PPM1B: variants seen among roughly 807,000 people sequenced by gnomAD.
PPM1B encodes protein phosphatase 1B.
PPM1B carries 22 observed loss-of-function variants against 43.0 expected under a neutral mutation model. That is an observed-to-expected ratio of 0.51 (90% confidence interval 0.37 to 0.73). PPM1B has a LOEUF of 0.73. PPM1B is among the 30% of genes least tolerant of loss of function. PPM1B has a pLI of 0.00. For missense variants in PPM1B, 632 were observed against 584.2 expected (o/e 1.08, Z -0.84); for synonymous variants, 217 against 197.9 (o/e 1.10, Z -0.81).
At chr2:44,192,165 T>TTATG (rs1668433099) in intron 1 of PPM1B, among the ~76,000 whole-genome samples, 2 of 135,690 alleles carry the variant, frequency 1.5e-5, no homozygotes, top group Non-Finnish European at 3.2e-5. Flanking sequence ...TTATTTTTAT[T>TTATG]TTATGTTATG....
rs1668392704 is a variant in PPM1B, at chr2:44,191,301, C to T, written c.-14-9885C>T. ...TGATCTCGGCTCACTGCAACCTCTG[C>T]ATCCCAGGTTCAAGCTATTCTCCTG... On this transcript the variant is annotated intron_variant, in intron 1 of 5. Transcript: ENST00000282412. Among the ~76,000 whole-genome samples the T allele has an allele frequency of 2.6e-5, 4 of 152,068 alleles. No homozygotes were observed. In the South Asian group the frequency reaches 8.3e-4, roughly 32 times the overall value.
downstream of PPM1B, chr2:44,231,508 A>G (rs1572761733): frequency 2.2e-6 from 2 of 921,944 alleles, no homozygotes; most frequent in Non-Finnish European, 2.6e-6. Context: ...AATTTTTTAA[A>G]AACAACCAAG....
chr2:44,213,869 G>T (rs1669598074), intron 3 of PPM1B: 1 of 152,080 alleles, frequency 6.6e-6, no homozygotes, highest in Admixed American at 6.5e-5. Context: ...GTAGTATATT[G>T]GGGTTGCAGA....
At chr2:44,232,645 C>CCTGA (rs1175190181), downstream of PPM1B, 7 of 1,196,620 alleles carry the variant, frequency 5.8e-6, no homozygotes, top group African/African-American at 1.1e-4. Context: ...CAACAATGTG[C>CCTGA]CTGAGGTGCA....
At chr2:44,227,983 G>T (rs1408875193) in intron 5 of PPM1B, among the ~76,000 whole-genome samples, 2 of 137,916 alleles carry the variant, frequency 1.5e-5, no homozygotes, top group Non-Finnish European at 1.5e-5. Context: ...GTGCAGTGGT[G>T]CGATCTCGGG....
chr2:44,194,714 C>T (rs1342686546), intron 1 of PPM1B, among the ~76,000 whole-genome samples: 2 of 151,140 alleles, frequency 1.3e-5, no homozygotes, highest in Non-Finnish European at 3.0e-5. Flanking sequence ...CAGAGGAAGA[C>T]TCCATCTCAA....
At chr2:44,194,499 G>A (rs1323281160) in intron 1 of PPM1B, among the ~76,000 whole-genome samples, 2 of 151,870 alleles carry the variant, frequency 1.3e-5, no homozygotes, top group Non-Finnish European at 2.9e-5. Context: ...CGAGGCGGGC[G>A]GATCACGATG....
chr2:44,197,092 C>G (rs746975161), intron 1 of PPM1B, among the ~76,000 whole-genome samples: 13 of 152,162 alleles, frequency 8.5e-5, no homozygotes, highest in African/African-American at 2.9e-4. Flanking sequence ...TCTTCCCCAT[C>G]TACCCCCTAC....
chr2:44,204,655 G>A lies in PPM1B; in HGVS notation c.846+2610G>A, dbSNP rs181757241. The stretch of plus-strand genomic sequence containing the variant: ...GTTAAGATGACGAGGTCAGGAGATC[G>A]AGACCATCCTGGCTAACGCAGTGAA... On this transcript the variant is annotated intron_variant, in intron 2 of 5. Transcript: ENST00000282412. Among the ~76,000 whole-genome samples, 13 of 151,916 alleles carry A rather than the reference G, an allele frequency of 8.6e-5. No individual in the cohort carries two copies. The East Asian group carries it at 1.4e-3, about 16-fold the overall frequency.
intron 5 of PPM1B, among the ~76,000 whole-genome samples, chr2:44,222,340 A>G (rs1007822081): frequency 1.3e-5 from 2 of 152,160 alleles, no homozygotes; most frequent in Non-Finnish European, 2.9e-5. Flanking sequence ...CTTAAGTCAT[A>G]TATTTAAAAA....
At chr2:44,192,077 C>T (rs535133355) in intron 1 of PPM1B, among the ~76,000 whole-genome samples, 1 of 145,576 alleles carries the variant, frequency 6.9e-6, no homozygotes. Context: ...GGGGAGGGGT[C>T]TGGGGGATTT....
chr2:44,207,563 G>A (rs2104164308), intron 2 of PPM1B, among the ~76,000 whole-genome samples: 1 of 151,966 alleles, frequency 6.6e-6, no homozygotes, highest in South Asian at 2.1e-4. Context: ...TGGTACTAGA[G>A]TAGTATATAT....
At chr2:44,217,140 C>T (rs537007908) in intron 3 of PPM1B, among the ~76,000 whole-genome samples, 2 of 152,182 alleles carry the variant, frequency 1.3e-5, no homozygotes, top group South Asian at 2.1e-4. Flanking sequence ...TGGCTCATGC[C>T]TGTAATCCCA....
chr2:44,235,449 C>T (rs1323459470), downstream of PPM1B, among the ~76,000 whole-genome samples: 2 of 151,784 alleles, frequency 1.3e-5, no homozygotes, highest in Non-Finnish European at 2.9e-5. Context: ...ACTAAAAATA[C>T]AAAATTAGCC....
At chr2:44,206,792 C>A (rs182248707) in intron 2 of PPM1B, among the ~76,000 whole-genome samples, 4 of 152,068 alleles carry the variant, frequency 2.6e-5, no homozygotes, top group Admixed American at 6.6e-5. Context: ...AAACTCCTGG[C>A]CTTAAATGAT....
At chr2:44,175,121 G>C (rs184929633) in intron 1 of PPM1B, among the ~76,000 whole-genome samples, 25 of 152,274 alleles carry the variant, frequency 1.6e-4, no homozygotes, top group African/African-American at 5.5e-4. Flanking sequence ...GGGTGTGGCG[G>C]CATGTGCCTG....
chr2:44,246,729 C>A (rs1243433212), downstream of PPM1B, among the ~76,000 whole-genome samples: 1 of 152,158 alleles, frequency 6.6e-6, no homozygotes, highest in Non-Finnish European at 1.5e-5. Flanking sequence ...TAGGTCCTTG[C>A]AAATTTTTGG....
intron 5 of PPM1B, chr2:44,244,127 C>T: frequency 8.2e-6 from 4 of 485,326 alleles, no homozygotes; most frequent in East Asian, 1.1e-4. Context: ...AAATGTATAC[C>T]TTCTTAGACA....
At chr2:44,246,668 C>T (rs2104301092), downstream of PPM1B, among the ~76,000 whole-genome samples, 2 of 152,326 alleles carry the variant, frequency 1.3e-5, 1 homozygote, top group South Asian at 4.1e-4. Flanking sequence ...TTGCAGAAGT[C>T]ACTTGCATAT....
Sources: allele counts gnomAD v4.1 joint callset (sites outside exome capture counted in the v4.1 genomes callset), GRCh38; gene constraint gnomAD v4.1.1; transcripts MANE v1.5; gene names NCBI Gene and HGNC (gene_info 2026-07-23, HGNC 2026-07-21).